The following MDFI variants were observed in gnomAD, a reference collection of about 807,000 sequenced individuals.
The protein encoded by MDFI is inhibitor of MyoD family a.
MDFI carries 16 observed loss-of-function variants against 22.3 expected under a neutral mutation model. The observed-to-expected ratio is 0.72, with a 90% CI of 0.49 to 1.09. MDFI has a LOEUF of 1.09. Ranked by LOEUF, MDFI falls within the 50% of genes least tolerant of loss-of-function variation. The pLI is 0.00. For missense variants in MDFI, 314 were observed against 326.1 expected, an observed-to-expected ratio of 0.96 and a Z score of 0.29; for synonymous variants, 145 against 142.7, an observed-to-expected ratio of 1.02 and a Z score of -0.12.
rs1380986768 is a variant in MDFI, at chr6:41,653,266, A to G, written c.485-53A>G. On this transcript the variant is annotated intron_variant, in intron 4 of 4. Transcript: ENST00000230321. This position sits in a 1 kb window ranked among gnomAD's most constrained non-coding sequence, Gnocchi z 4.2. Reference sequence around the variant, plus strand: ...CCCCACACCCCCGGCTATTTCACACACGCTCATCCCTCCCCTCTCTCACCC... The same window carrying G: ...CCCCACACCCCCGGCTATTTCACACGCGCTCATCCCTCCCCTCTCTCACCC... 5 of 1,575,868 alleles carry G rather than the reference A, an allele frequency of 3.2e-6. No homozygotes were observed. In the East Asian group the frequency reaches 9.0e-5, roughly 28 times the overall value.
Position 41,654,009 on chromosome 6 carries a change from G to A in MDFI, c.*434G>A. 4.5e-6 allele frequency: 1 copy of A among 221,570 alleles called. No individual in the cohort carries two copies. Among genetic ancestry groups the A allele is most frequent in the South Asian group, 8.5e-5 (1 of 11,736 alleles). 13.7% of individuals were successfully genotyped at this position (221,570 alleles called of 1,614,324 possible). ...TCTCTCCTCCACCCCAGGCTTAGAG[G>A]ACAGAAAAATGTGAAGAGACGCCCC... On this transcript the variant is annotated 3_prime_UTR_variant, in exon 5 of 5. Coordinates refer to ENST00000230321, the MANE Select transcript of MDFI (RefSeq NM_005586.4).
At chr6:41,646,645 C>A (rs372173467) in intron 3 of MDFI, among the ~76,000 whole-genome samples, 2 of 152,170 alleles carry the variant, frequency 1.3e-5, no homozygotes, top group African/African-American at 4.8e-5. Context: ...GATGCATCTC[C>A]ATCCTTCCGG....
At chr6:41,637,073 G>A (rs772072475), upstream of MDFI, 2 of 152,254 alleles carry the variant, frequency 1.3e-5, no homozygotes, top group African/African-American at 2.4e-5. The surrounding 1 kb of genome is among the most constrained non-coding windows in gnomAD (Gnocchi z 6.8). Flanking sequence ...GCCGGCTCCT[G>A]GGGCACTAGG....
Position 41,638,699 on chromosome 6 carries a change from C to T in MDFI, c.-11-40C>T, listed in dbSNP as rs1581822662. 1 of 1,533,534 alleles carries T rather than the reference C, an allele frequency of 6.5e-7. No individual in the cohort carries two copies. The highest frequency in any genetic ancestry group is 1.2e-5 in the South Asian group (1 of 83,810). 95.0% of individuals were successfully genotyped at this position (1,533,534 alleles called of 1,614,324 possible). ...GCATCTGCGGGGGAATCGCCCCTTGCCCGCCTCCGGCGCCGCCCGCTGAGC... is the reference window on the plus strand; with the variant it reads ...GCATCTGCGGGGGAATCGCCCCTTGTCCGCCTCCGGCGCCGCCCGCTGAGC... On this transcript the variant is annotated intron_variant, in intron 1 of 4. Transcript: ENST00000230321. This position sits in a 1 kb window ranked among gnomAD's most constrained non-coding sequence, Gnocchi z 7.6.
Position 41,653,830 on chromosome 6 carries a change from A to C in MDFI, c.*255A>C. The C allele has an allele frequency of 1.8e-6, 1 of 545,368 alleles. No homozygotes were observed. The highest frequency in any genetic ancestry group is 3.3e-6 in the Non-Finnish European group (1 of 303,372). The allele number at this position is 545,368 out of a possible 1,614,324, so 33.8% of individuals were successfully genotyped here. ...CTCTTTACTGGGTTACCAGGTTCAT[A>C]CATTGCTGAGGACCTGACAGGACAA... is the stretch of plus-strand genomic sequence containing the variant. On this transcript the variant is annotated 3_prime_UTR_variant, in exon 5 of 5. Transcript: ENST00000230321. This position sits in a 1 kb window ranked among gnomAD's most constrained non-coding sequence, Gnocchi z 4.2.
chr6:41,646,611 G>C (rs906145017), intron 3 of MDFI, among the ~76,000 whole-genome samples: 61 of 152,176 alleles, frequency 4.0e-4, no homozygotes, highest in Non-Finnish European at 7.6e-4. Context: ...TACGGGGCTG[G>C]GGTCCGGCAG....
At chr6:41,638,275 G>C (rs543326076), upstream of MDFI, 1 of 160,186 alleles carries the variant, frequency 6.2e-6, no homozygotes, top group Admixed American at 6.5e-5. This position sits in a 1 kb window ranked among gnomAD's most constrained non-coding sequence, Gnocchi z 7.6. Flanking sequence ...GGCTTCCTGT[G>C]GGGGCTCGGG....
chr6:41,653,000 TG>T (rs1347541964), intron 4 of MDFI, among the ~76,000 whole-genome samples: 2 of 152,198 alleles, frequency 1.3e-5, no homozygotes, highest in Admixed American at 1.3e-4. Context: ...GAGGCCTAAA[TG>T]AATGTAATTC....
intron 3 of MDFI, among the ~76,000 whole-genome samples, chr6:41,649,138 T>A (rs1227573618): frequency 6.6e-6 from 1 of 152,160 alleles, no homozygotes; most frequent in Non-Finnish European, 1.5e-5. Context: ...TCCAAACAGA[T>A]GTTTCCAATA....
chr6:41,645,096 G>T (rs972098170), intron 2 of MDFI, among the ~76,000 whole-genome samples: 3 of 152,112 alleles, frequency 2.0e-5, no homozygotes, highest in Non-Finnish European at 4.4e-5. Flanking sequence ...GAGGGGGCAG[G>T]TGGAAGGCCA....
Position 41,638,630 on chromosome 6 carries a change from A to G in MDFI, c.-34A>G, listed in dbSNP as rs967109480. On this transcript the variant is annotated 5_prime_UTR_variant, in exon 1 of 5. Transcript: ENST00000230321. This position sits in a 1 kb window ranked among gnomAD's most constrained non-coding sequence, Gnocchi z 7.6. ...CCCCGCGCGGGGATCCGGCTGGAAGAGAGCGTAGCACGGCTCGCACGAGTG... is the reference window on the plus strand; with the variant it reads ...CCCCGCGCGGGGATCCGGCTGGAAGGGAGCGTAGCACGGCTCGCACGAGTG... 1 of 1,201,776 alleles carries G rather than the reference A, an allele frequency of 8.3e-7. No homozygotes were observed. The highest frequency in any genetic ancestry group is 1.1e-6 in the Non-Finnish European group (1 of 869,974). The allele number at this position is 1,201,776 out of a possible 1,614,324, so 74.4% of individuals were successfully genotyped here. A position where few individuals can be genotyped will look rare whatever the true frequency, so the allele number is the denominator to read the frequency against.
chr6:41,644,142 G>A (rs998579486), intron 2 of MDFI, among the ~76,000 whole-genome samples: 5 of 152,138 alleles, frequency 3.3e-5, no homozygotes, highest in South Asian at 4.1e-4. Context: ...TAGCACCAGC[G>A]TCTCCACTTG....
At chr6:41,646,991 C>A (rs1768076645) in intron 3 of MDFI, among the ~76,000 whole-genome samples, 1 of 152,216 alleles carries the variant, frequency 6.6e-6, no homozygotes, top group Admixed American at 6.5e-5. Flanking sequence ...ACGGCCCACC[C>A]TGGTCCCAAG....
chr6:41,653,682 C>T lies in MDFI; in HGVS notation c.*107C>T. 3.6e-6 allele frequency: 5 copies of T among 1,394,744 alleles called. No individual in the cohort carries two copies. Among genetic ancestry groups the T allele is most frequent in the African/African-American group, 2.8e-5 (2 of 70,708 alleles). 86.4% of individuals were successfully genotyped at this position (1,394,744 alleles called of 1,614,324 possible). On this transcript the variant is annotated 3_prime_UTR_variant, in exon 5 of 5. Transcript: ENST00000230321. The surrounding 1 kb of genome is among the most constrained non-coding windows in gnomAD (Gnocchi z 4.2). The stretch of plus-strand genomic sequence containing the variant: ...TCACACAAGGCTTGAGAAGCCCCCT[C>T]TCCCTGGTCCTCTCCTACCCACCCA...
rs1768182580 is a variant in MDFI, at chr6:41,649,624, C to G, written c.265C>G (p.Pro89Ala). The G allele has an allele frequency of 6.3e-7, 1 of 1,596,358 alleles. No individual in the cohort carries two copies. The highest frequency in any genetic ancestry group is 1.3e-5 in the African/African-American group (1 of 74,496). Residue 89 changes from proline to alanine, a missense_variant, in exon 4 of 5, where the codon CCT (proline) becomes GCT (alanine). Physicochemically the swap from Pro to Ala is conservative, Grantham distance 27 (BLOSUM62 -1). Coordinates refer to ENST00000230321, the MANE Select transcript of MDFI (RefSeq NM_005586.4). ...CTTTCTCTTCATCTCTCCAGGCCAG[C>G]CTCAGGGGAACCCCTTGGGCTGCAC... ...DVPTEAVTCQPQGNPLGCTPL... is the reference protein window; with the variant it reads ...DVPTEAVTCQAQGNPLGCTPL...
Position 41,653,676 on chromosome 6 carries a change from C to A in MDFI, c.*101C>A. On this transcript the variant is annotated 3_prime_UTR_variant, in exon 5 of 5. Coordinates refer to ENST00000230321, the MANE Select transcript of MDFI (RefSeq NM_005586.4). The surrounding 1 kb of genome is among the most constrained non-coding windows in gnomAD (Gnocchi z 4.2). ...GGACTGTCACACAAGGCTTGAGAAG[C>A]CCCCTCTCCCTGGTCCTCTCCTACC... The A allele has an allele frequency of 6.9e-7, 1 of 1,451,248 alleles. No individual in the cohort carries two copies. The highest frequency in any genetic ancestry group is 9.4e-7 in the Non-Finnish European group (1 of 1,068,882). 89.9% of individuals were successfully genotyped at this position (1,451,248 alleles called of 1,614,324 possible).
intron 3 of MDFI, among the ~76,000 whole-genome samples, chr6:41,648,320 A>G (rs1173936350): frequency 6.6e-6 from 1 of 151,884 alleles, no homozygotes; most frequent in African/African-American, 2.4e-5. Context: ...CTGTACCTCT[A>G]CCTCTCCGGG....
intron 3 of MDFI, among the ~76,000 whole-genome samples, chr6:41,648,423 C>A (rs943011589): frequency 2.6e-5 from 4 of 152,232 alleles, no homozygotes; most frequent in Non-Finnish European, 5.9e-5. Context: ...AGGAAGCAGG[C>A]AGTGTGCAAT....
intron 4 of MDFI, among the ~76,000 whole-genome samples, chr6:41,650,626 C>T (rs184828838): frequency 0.017 from 2,296 of 138,920 alleles, 42 homozygotes; most frequent in Non-Finnish European, 0.024. Flanking sequence ...CAGGCTGGAG[C>T]GCAGTGGCGC....
Sources: allele counts gnomAD v4.1 joint callset (sites outside exome capture counted in the v4.1 genomes callset), GRCh38; gene constraint gnomAD v4.1.1; non-coding constraint Gnocchi (gnomAD v3.1); transcripts MANE v1.5; gene names NCBI Gene and HGNC (gene_info 2026-07-23, HGNC 2026-07-21).